Variants in THSD7B observed in about 807,000 individuals in gnomAD.
THSD7B encodes thrombospondin type 1 domain containing 7B.
In THSD7B, 138 loss-of-function variants were observed where a neutral mutation model predicts 213.6. The observed-to-expected ratio is 0.65, with a 90% confidence interval of 0.56 to 0.74. The LOEUF is 0.74. THSD7B is among the 30% of genes least tolerant of loss of function. The pLI, the probability that THSD7B is intolerant of heterozygous loss-of-function variation, is 0.00. For missense variants in THSD7B, 1,931 were observed against 1,991.5 expected (o/e 0.97, Z 0.58); for synonymous variants, 742 against 687.0 (o/e 1.08, Z -1.25).
At position 137,208,735 on chromosome 2, in the gene THSD7B, A is replaced by T. The variant is rs6758417; in HGVS notation, c.1724-22309A>T. The stretch of plus-strand genomic sequence containing the variant: ...AGAGGGGTATGGAAAATTGTCCTCA[A>T]GCACTGAGTCAGCCCCTGGGTAGAG... On this transcript the variant is annotated intron_variant, in intron 7 of 27. Coordinates refer to ENST00000409968, the MANE Select transcript of THSD7B (RefSeq NM_001316349.2). Among the ~76,000 whole-genome samples the T allele has an allele frequency of 2.6e-5, 4 of 151,710 alleles. No individual in the cohort carries two copies. The East Asian group carries it at 7.8e-4, about 30-fold the overall frequency.
Position 137,656,927 on chromosome 2 carries a change from G to A in THSD7B, c.4237G>A (p.Asp1413Asn), listed in dbSNP as rs1683247378. The A allele has an allele frequency of 1.2e-6, 2 of 1,613,894 alleles. No individual in the cohort carries two copies. Among genetic ancestry groups the A allele is most frequent in the Non-Finnish European group, 1.7e-6 (2 of 1,179,884 alleles). The change falls in exon 23 of 28, where the codon GAC becomes AAC. Residue 1413 changes from aspartate (D) to asparagine (N), a missense_variant. By Grantham distance (23) the Asp-to-Asn change is conservative. Transcript: ENST00000409968. Reference protein sequence around the residue: ...TFIIQSFENQDSCPQQVLETR... With the variant: ...TFIIQSFENQNSCPQQVLETR... ...TATAATTCAGTCTTTTGAGAACCAA[G>A]ACAGCTGCCCCCAACAGGTTCTAGA...
chr2:136,923,269 G>A (rs751412725), intron 2 of THSD7B, among the ~76,000 whole-genome samples: 62 of 152,168 alleles, frequency 4.1e-4, no homozygotes, highest in Admixed American at 3.3e-4. Context: ...GTAGTAGTAT[G>A]TAACAGAATT....
At chr2:137,451,952 C>A in intron 15 of THSD7B, 2 of 427,858 alleles carry the variant, frequency 4.7e-6, no homozygotes, top group Non-Finnish European at 6.2e-6. Flanking sequence ...TCTATCCTCT[C>A]AATTCCATTC....
At chr2:137,527,649 G>C (rs1680303741) in intron 15 of THSD7B, among the ~76,000 whole-genome samples, 1 of 151,928 alleles carries the variant, frequency 6.6e-6, no homozygotes, top group African/African-American at 2.4e-5. Context: ...TTGATCCAAA[G>C]GTAAACATTA....
At chr2:137,109,444 G>A (rs532739100) in intron 4 of THSD7B, among the ~76,000 whole-genome samples, 37 of 152,204 alleles carry the variant, frequency 2.4e-4, no homozygotes, top group Admixed American at 2.0e-3. Flanking sequence ...TATTTTGCAT[G>A]TTATTTCTAT....
chr2:137,397,359 G>C (rs202070308), intron 12 of THSD7B, among the ~76,000 whole-genome samples: 1 of 151,528 alleles, frequency 6.6e-6, no homozygotes, highest in Admixed American at 6.6e-5. Context: ...GGGCAGGCCT[G>C]GTGGTGACAA....
intron 2 of THSD7B, among the ~76,000 whole-genome samples, chr2:137,043,652 A>G (rs1399659146): frequency 6.6e-6 from 1 of 152,178 alleles, no homozygotes; most frequent in Non-Finnish European, 1.5e-5. Context: ...AAGGTAACCT[A>G]CATAATGGCC....
intron 17 of THSD7B, among the ~76,000 whole-genome samples, chr2:137,613,128 A>C (rs1202833798): frequency 6.6e-6 from 1 of 152,060 alleles, no homozygotes; most frequent in Non-Finnish European, 1.5e-5. Flanking sequence ...ATGTCTTTAA[A>C]TCTCTTTTAA....
At chr2:137,432,281 C>T (rs757705380) in intron 14 of THSD7B, among the ~76,000 whole-genome samples, 1 of 152,166 alleles carries the variant, frequency 6.6e-6, no homozygotes, top group Non-Finnish European at 1.5e-5. Flanking sequence ...ATCCCAGCTA[C>T]TCGGGAGGCT....
At chr2:137,235,836 A>G (rs1681751586) in intron 9 of THSD7B, among the ~76,000 whole-genome samples, 1 of 152,174 alleles carries the variant, frequency 6.6e-6, no homozygotes, top group Admixed American at 6.5e-5. Context: ...TACACACACA[A>G]ATATAAAAGC....
In THSD7B at chr2:136,978,165, G is replaced by T. The variant is rs145427050; in HGVS notation, c.140-78255G>T. ...TGTGGTCTAACAAACTGTTTGTTAT[G>T]ATTTCAGTTCCTTTGCATTTGCTGA... On this transcript the variant is annotated intron_variant, in intron 2 of 27. Transcript: ENST00000409968. Among the ~76,000 whole-genome samples, 486 of 152,266 alleles carry T rather than the reference G, an allele frequency of 3.2e-3. 7 individuals are homozygous for T. Among genetic ancestry groups the T allele is most frequent in the Admixed American group, 0.029 (446 of 15,288 alleles).
intron 1 of THSD7B, among the ~76,000 whole-genome samples, chr2:136,852,532 A>G (rs1367121): frequency 0.19 from 29,638 of 152,010 alleles, 3,304 homozygotes; most frequent in Middle Eastern, 0.35. Context: ...AGCCACACCA[A>G]ACTGAGACTT....
intron 15 of THSD7B, among the ~76,000 whole-genome samples, chr2:137,549,668 T>C (rs897849916): frequency 1.3e-5 from 2 of 152,044 alleles, no homozygotes; most frequent in Non-Finnish European, 2.9e-5. Flanking sequence ...TTTATAACCA[T>C]TGATTAGGAA....
chr2:136,936,776 A>G (rs535121827), intron 2 of THSD7B, among the ~76,000 whole-genome samples: 1 of 152,238 alleles, frequency 6.6e-6, no homozygotes, highest in South Asian at 2.1e-4. Flanking sequence ...TAAAGAGCTT[A>G]CTCATGTAAC....
intron 2 of THSD7B, among the ~76,000 whole-genome samples, chr2:136,979,924 G>A (rs1458965007): frequency 6.6e-6 from 1 of 152,002 alleles, no homozygotes; most frequent in Non-Finnish European, 1.5e-5. Context: ...CAATCTTTGA[G>A]GCTACTGACT....
chr2:136,768,360 T>C (rs1681444606), intron 1 of THSD7B, among the ~76,000 whole-genome samples: 1 of 152,200 alleles, frequency 6.6e-6, no homozygotes, highest in Non-Finnish European at 1.5e-5. Flanking sequence ...TTAATTATAC[T>C]TCACAAATTG....
At chr2:136,957,129 G>A (rs1685140014) in intron 2 of THSD7B, among the ~76,000 whole-genome samples, 1 of 152,150 alleles carries the variant, frequency 6.6e-6, no homozygotes, top group South Asian at 2.1e-4. Context: ...TCTCAGGGGG[G>A]AGCATGTGAC....
intron 8 of THSD7B, 76 bp downstream of exon 8, chr2:137,231,311 A>G: frequency 7.2e-7 from 1 of 1,383,488 alleles, no homozygotes; most frequent in Non-Finnish European, 9.9e-7. Flanking sequence ...GTGATAGAGA[A>G]GTTTATATGG....
intron 14 of THSD7B, among the ~76,000 whole-genome samples, chr2:137,417,482 T>C (rs1459309778): frequency 6.6e-6 from 1 of 152,184 alleles, no homozygotes; most frequent in African/African-American, 2.4e-5. Context: ...CTCTGTAGCC[T>C]AGGCTAGATT....
Sources: gnomAD v4.1 joint callset for allele counts (sites outside exome capture counted in the v4.1 genomes callset) on GRCh38, gnomAD v4.1.1 for gene constraint, MANE v1.5 for transcripts, NCBI Gene and HGNC (gene_info 2026-07-23, HGNC 2026-07-21) for gene names.